Variants in SLC24A2 observed in about 807,000 individuals in gnomAD.
SLC24A2 encodes sodium/potassium/calcium exchanger 2.
SLC24A2 carries 36 observed loss-of-function variants against 62.0 expected under a neutral mutation model. The ratio of observed to expected loss-of-function variants is 0.58; its 90% CI spans 0.44 to 0.77. SLC24A2 has a LOEUF of 0.77. Ranked by LOEUF, SLC24A2 falls within the 30% of genes least tolerant of loss-of-function variation. SLC24A2 has a pLI of 0.00. For missense variants in SLC24A2, 846 were observed against 817.9 expected (o/e 1.03, Z -0.42); for synonymous variants, 358 against 294.0 (o/e 1.22, Z -2.23).
chr9:19,641,727 T>G (rs1818499629), intron 2 of SLC24A2, among the ~76,000 whole-genome samples: 1 of 152,124 alleles, frequency 6.6e-6, no homozygotes, highest in Non-Finnish European at 1.5e-5. Flanking sequence ...TTTGAATACT[T>G]AACATATATG....
chr9:19,577,376 CAG>C (rs1275564784), intron 5 of SLC24A2, among the ~76,000 whole-genome samples: 1 of 152,112 alleles, frequency 6.6e-6, no homozygotes, highest in Non-Finnish European at 1.5e-5. Flanking sequence ...CATTCCAGAC[CAG>C]ATTTTGACAA....
At chr9:20,063,824 A>G in the SLC24A2 span, among the ~76,000 whole-genome samples, 20 of 152,258 alleles carry the variant, frequency 1.3e-4, no homozygotes, top group African/African-American at 4.8e-4. Flanking sequence ...GGAGTTACCA[A>G]TGCATATCAA....
At chr9:19,727,754 CTATAG>C (rs1821213360) in intron 2 of SLC24A2, among the ~76,000 whole-genome samples, 1 of 152,122 alleles carries the variant, frequency 6.6e-6, no homozygotes. Context: ...AAAAAATATC[CTATAG>C]TAATTTACCT....
intron 2 of SLC24A2, among the ~76,000 whole-genome samples, chr9:19,720,566 T>C (rs1820992816): frequency 1.3e-5 from 2 of 152,176 alleles, no homozygotes; most frequent in African/African-American, 4.8e-5. Context: ...ACTGTGGAAC[T>C]GCTAGAAGAA....
At chr9:19,731,401 G>C (rs1403376547) in intron 2 of SLC24A2, among the ~76,000 whole-genome samples, 3 of 152,152 alleles carry the variant, frequency 2.0e-5, no homozygotes, top group Non-Finnish European at 4.4e-5. Context: ...TTTGAAGATA[G>C]TATAAAGAAG....
At chr9:20,172,986 G>T in the SLC24A2 span, among the ~76,000 whole-genome samples, 1 of 152,024 alleles carries the variant, frequency 6.6e-6, no homozygotes, top group East Asian at 1.9e-4. Context: ...AATCCACCAC[G>T]ATCAAGTGGG....
the SLC24A2 span, among the ~76,000 whole-genome samples, chr9:19,802,024 C>T: frequency 1.3e-5 from 2 of 152,154 alleles, no homozygotes; most frequent in Non-Finnish European, 2.9e-5. Context: ...TACCACTTGG[C>T]ACATTATGTC....
the SLC24A2 span, among the ~76,000 whole-genome samples, chr9:19,820,430 G>A: frequency 1.3e-5 from 2 of 148,556 alleles, no homozygotes; most frequent in Admixed American, 6.8e-5. Context: ...CATAACTTAT[G>A]GAAAAATAAA....
chr9:20,034,670 G>C, the SLC24A2 span, among the ~76,000 whole-genome samples: 1 of 151,820 alleles, frequency 6.6e-6, no homozygotes, highest in African/African-American at 2.4e-5. Context: ...GGGTTTCACC[G>C]TGTTAGCCAG....
At chr9:19,574,848 T>A (rs900767897) in intron 6 of SLC24A2, among the ~76,000 whole-genome samples, 3 of 152,156 alleles carry the variant, frequency 2.0e-5, no homozygotes, top group Non-Finnish European at 2.9e-5. Context: ...GGTCAAATCA[T>A]GGATTTTGGG....
chr9:20,183,882 A>G, the SLC24A2 span, among the ~76,000 whole-genome samples: 1 of 152,276 alleles, frequency 6.6e-6, no homozygotes, highest in East Asian at 1.9e-4. Flanking sequence ...CCTGCATCAG[A>G]ATTTCACTGG....
intron 2 of SLC24A2, among the ~76,000 whole-genome samples, chr9:19,715,978 A>T (rs144741682): frequency 5.9e-5 from 9 of 152,326 alleles, no homozygotes; most frequent in African/African-American, 2.2e-4. Context: ...AGGTACCCCC[A>T]TTCAGCTAAT....
the SLC24A2 span, among the ~76,000 whole-genome samples, chr9:20,014,691 G>T: frequency 3.4e-4 from 51 of 152,056 alleles, no homozygotes; most frequent in African/African-American, 1.1e-3. Flanking sequence ...TGAATTTATA[G>T]AAGTAGAGAG....
At chr9:19,639,646 T>G (rs1256732452) in intron 2 of SLC24A2, among the ~76,000 whole-genome samples, 1 of 152,226 alleles carries the variant, frequency 6.6e-6, no homozygotes, top group Non-Finnish European at 1.5e-5. Context: ...ATGGGTCACT[T>G]TAGTAATATC....
In SLC24A2 at chr9:19,523,751, C is replaced by T. The variant is rs1053919883; in HGVS notation, c.1570-2691G>A. Reference sequence around the variant, plus strand: ...GTGCTGGGATTGCAGGGGTGAGCCACGGCACCCAGCCAAAAAACCAGATTT... The same window carrying T: ...GTGCTGGGATTGCAGGGGTGAGCCATGGCACCCAGCCAAAAAACCAGATTT... On this transcript the variant is annotated intron_variant, in intron 9 of 10. Coordinates refer to ENST00000341998, the MANE Select transcript of SLC24A2 (RefSeq NM_020344.4). Among the ~76,000 whole-genome samples the T allele has an allele frequency of 5.3e-5, 8 of 152,146 alleles. No individual in the cohort carries two copies. The East Asian group carries it at 5.8e-4, about 11-fold the overall frequency.
the SLC24A2 span, among the ~76,000 whole-genome samples, chr9:20,065,449 A>G: frequency 4.9e-4 from 74 of 152,316 alleles, no homozygotes; most frequent in Admixed American, 1.7e-3. Flanking sequence ...TGGACTGGAC[A>G]GAGGAATGGA....
At chr9:19,891,066 A>G in the SLC24A2 span, among the ~76,000 whole-genome samples, 3 of 152,210 alleles carry the variant, frequency 2.0e-5, no homozygotes, top group Admixed American at 1.3e-4. Context: ...CTTTGCACGT[A>G]CAATGCATCC....
chr9:20,277,882 T>C, the SLC24A2 span, among the ~76,000 whole-genome samples: 6 of 152,170 alleles, frequency 3.9e-5, no homozygotes, highest in Non-Finnish European at 7.3e-5. Flanking sequence ...ATGGCACATA[T>C]ACACCATGCA....
the SLC24A2 span, among the ~76,000 whole-genome samples, chr9:19,976,437 ACT>A: frequency 2.0e-5 from 3 of 151,202 alleles, no homozygotes; most frequent in Admixed American, 2.0e-4. Context: ...TTCCTGCTTC[ACT>A]CTCTCTCTTC....
Sources: allele counts gnomAD v4.1 joint callset (sites outside exome capture counted in the v4.1 genomes callset), GRCh38; gene constraint gnomAD v4.1.1; transcripts MANE v1.5; gene names NCBI Gene and HGNC (gene_info 2026-07-23, HGNC 2026-07-21).